FRRS1: variants seen among roughly 807,000 people sequenced by gnomAD.
FRRS1 encodes the protein ferric reductase 1.
In FRRS1, 51 loss-of-function variants were observed where a neutral mutation model predicts 70.7. The ratio of observed to expected loss-of-function variants is 0.72; its 90% CI spans 0.58 to 0.91. The LOEUF is 0.91. Among genes scored for constraint, FRRS1 ranks in the 40% least tolerant of loss-of-function variants. FRRS1 has a pLI of 0.00. For missense variants in FRRS1, 672 were observed against 726.0 expected (o/e 0.93, Z 0.86); for synonymous variants, 225 against 238.7 (o/e 0.94, Z 0.53).
intron 1 of FRRS1, among the ~76,000 whole-genome samples, chr1:99,758,712 G>T (rs1176290341): frequency 1.3e-5 from 2 of 151,940 alleles, no homozygotes; most frequent in Non-Finnish European, 2.9e-5. Context: ...ACTGCCTGCG[G>T]GGTTGGGCAA....
At chr1:99,736,941 T>C (rs1655703836) in intron 7 of FRRS1, among the ~76,000 whole-genome samples, 1 of 152,134 alleles carries the variant, frequency 6.6e-6, no homozygotes, top group Non-Finnish European at 1.5e-5. Context: ...TTAGTTTTTC[T>C]ATTACAGCCA....
intron 10 of FRRS1, among the ~76,000 whole-genome samples, chr1:99,719,258 A>G (rs1274743800): frequency 6.6e-6 from 1 of 151,922 alleles, no homozygotes; most frequent in Admixed American, 6.6e-5. Flanking sequence ...AAAGTACACA[A>G]ATTAGCTGGG....
chr1:99,720,725 CAT>C (rs1654771736), intron 9 of FRRS1, among the ~76,000 whole-genome samples: 1 of 151,942 alleles, frequency 6.6e-6, no homozygotes, highest in African/African-American at 2.4e-5. Context: ...ACTAAAATCA[CAT>C]GTCTTCATCA....
intron 9 of FRRS1, among the ~76,000 whole-genome samples, chr1:99,720,812 T>C (rs1465541753): frequency 1.3e-5 from 2 of 149,432 alleles, no homozygotes; most frequent in African/African-American, 5.0e-5. Context: ...AAAAAGTTTT[T>C]ATCATCTTAA....
chr1:99,749,702 C>A (rs182961408), intron 1 of FRRS1, among the ~76,000 whole-genome samples: 25 of 152,348 alleles, frequency 1.6e-4, no homozygotes, highest in Admixed American at 7.2e-4. Context: ...CCCACACAAT[C>A]TTCTTCCCTC....
At chr1:99,756,789 G>T (rs918789265) in intron 1 of FRRS1, among the ~76,000 whole-genome samples, 1 of 152,124 alleles carries the variant, frequency 6.6e-6, no homozygotes, top group African/African-American at 2.4e-5. Context: ...AGTGAATCAT[G>T]TCTAGTTATA....
intron 1 of FRRS1, among the ~76,000 whole-genome samples, chr1:99,764,920 T>C (rs1392309298): frequency 6.6e-6 from 1 of 152,240 alleles, no homozygotes; most frequent in Non-Finnish European, 1.5e-5. Flanking sequence ...GCTTTAGTTT[T>C]TCCTAATAAA....
intron 4 of FRRS1, among the ~76,000 whole-genome samples, chr1:99,744,707 AC>A (rs35079378): frequency 0.49 from 74,633 of 151,452 alleles, 22,328 homozygotes; most frequent in African/African-American, 0.85. Context: ...AATCGCTTGA[AC>A]CCAGGAGGCG....
chr1:99,760,210 A>G (rs1468176923), intron 1 of FRRS1, among the ~76,000 whole-genome samples: 4 of 152,230 alleles, frequency 2.6e-5, no homozygotes, highest in African/African-American at 9.6e-5. Flanking sequence ...TAATATCACT[A>G]TTAACTTTCC....
chr1:99,709,100 T>G lies in FRRS1; in HGVS notation c.1707A>C (p.Ala569=), dbSNP rs551015047. Residue 569 remains alanine (A), a synonymous_variant, in exon 17 of 17, where the codon GCA becomes GCC. Coordinates refer to ENST00000646001, the MANE Select transcript of FRRS1 (RefSeq NM_001361041.2). The part of the protein sequence containing the change: ...VETEGHAFKK[A]VLAIYVCGNV... ...TCCCACAGACATAAATTGCCAACAC[T>G]GCCTTTTTAAAAGCATGACCCTGAA... 5.6e-6 allele frequency: 9 copies of G among 1,613,220 alleles called. No homozygotes were observed. In the African/African-American group the frequency reaches 1.2e-4, roughly 22 times the overall value.
intron 3 of FRRS1, chr1:99,748,068 T>C (rs1414045535): frequency 6.5e-6 from 1 of 154,332 alleles, no homozygotes; most frequent in Non-Finnish European, 1.4e-5. Flanking sequence ...CTCTAAGGTA[T>C]ATTATATATC....
intron 15 of FRRS1, among the ~76,000 whole-genome samples, chr1:99,710,240 C>T (rs1050385801): frequency 2.6e-5 from 4 of 152,150 alleles, no homozygotes; most frequent in Non-Finnish European, 5.9e-5. Flanking sequence ...CTAAATGATA[C>T]CCATTCCCTA....
chr1:99,712,498 T>G lies in FRRS1; in HGVS notation c.1341A>C (p.Pro447=). 1 of 1,609,164 alleles carries G rather than the reference T, an allele frequency of 6.2e-7. No homozygotes were observed. Among genetic ancestry groups the G allele is most frequent in the Non-Finnish European group, 8.5e-7 (1 of 1,178,058 alleles). ...AAGTCATCACTATACAGCCGAGGTA[T>G]GGGTGGTAACCTGCATGCTAAACAA... is the stretch of plus-strand genomic sequence containing the variant. ...GGWSRHAGYH[P]YLGCIVMTLA... The change falls in exon 13 of 17, where the codon CCA becomes CCC. Residue 447 remains proline (P), a synonymous_variant. Coordinates refer to ENST00000646001, the MANE Select transcript of FRRS1 (RefSeq NM_001361041.2).
chr1:99,725,794 A>T lies in FRRS1; in HGVS notation c.1006+2699T>A, dbSNP rs533392340. On this transcript the variant is annotated intron_variant, in intron 9 of 16. Coordinates refer to ENST00000646001, the MANE Select transcript of FRRS1 (RefSeq NM_001361041.2). ...TGATTTCTACATTGCTAACCTATGA[A>T]GAAACATTTCACCTGCTGTATACCC... Among the ~76,000 whole-genome samples the T allele has an allele frequency of 5.9e-5, 9 of 152,362 alleles. 1 individual carries two copies. In the South Asian group the frequency reaches 1.7e-3, roughly 28 times the overall value.
intron 10 of FRRS1, among the ~76,000 whole-genome samples, chr1:99,717,945 T>C (rs1654615355): frequency 1.3e-5 from 2 of 152,220 alleles, no homozygotes; most frequent in Admixed American, 6.5e-5. Flanking sequence ...ACTGCCTGTG[T>C]GTAGTTATTT....
At chr1:99,727,919 T>C (rs1235109415) in intron 9 of FRRS1, among the ~76,000 whole-genome samples, 1 of 152,238 alleles carries the variant, frequency 6.6e-6, no homozygotes, top group East Asian at 1.9e-4. Flanking sequence ...GGCATCAGAG[T>C]CACGTAGAAA....
rs1475662426 is a variant in FRRS1, at chr1:99,707,010, TA to T, written c.*2017del. Among the ~76,000 whole-genome samples, 1 of 152,182 alleles carries T rather than the reference TA, an allele frequency of 6.6e-6. No individual in the cohort carries two copies. The highest frequency in any genetic ancestry group is 1.5e-5 in the Non-Finnish European group (1 of 68,038). On this transcript the variant is annotated 3_prime_UTR_variant, in exon 17 of 17. Coordinates refer to ENST00000646001, the MANE Select transcript of FRRS1 (RefSeq NM_001361041.2). ...GAGGAAAATAACTTTAGTACACACTTAATTTGCTATACTAAATTTTTTTAAT... is the reference window on the plus strand; with the variant it reads ...GAGGAAAATAACTTTAGTACACACTTATTTGCTATACTAAATTTTTTTAAT...
intron 1 of FRRS1, among the ~76,000 whole-genome samples, chr1:99,761,494 T>C (rs1657110818): frequency 6.6e-6 from 1 of 152,222 alleles, no homozygotes; most frequent in African/African-American, 2.4e-5. Flanking sequence ...TTACATGATA[T>C]ACAGGTTTCA....
chr1:99,756,372 C>A lies in FRRS1; in HGVS notation c.-105-7371G>T, dbSNP rs2788509. 4.5e-4 allele frequency among the ~76,000 whole-genome samples: 68 copies of A among 152,190 alleles called. No individual in the cohort carries two copies. The East Asian group carries it at 0.011, about 25-fold the overall frequency. On this transcript the variant is annotated intron_variant, in intron 1 of 16. Coordinates refer to ENST00000646001, the MANE Select transcript of FRRS1 (RefSeq NM_001361041.2). ...ACAGTTTTCTTTCTTACCTGAAAGA[C>A]AAGTGCTTAGTAAAAGGGTATGATG...
Sources: allele counts gnomAD v4.1 joint callset (sites outside exome capture counted in the v4.1 genomes callset), GRCh38; gene constraint gnomAD v4.1.1; transcripts MANE v1.5; gene names NCBI Gene and HGNC (gene_info 2026-07-23, HGNC 2026-07-21).